The following DIP2B variants were observed in gnomAD, a reference collection of about 807,000 sequenced individuals.
DIP2B encodes the protein DIP2 acetate--CoA ligase B (putative).
Under a neutral mutation model 198.0 loss-of-function variants are expected in DIP2B, and 76 were observed. The observed-to-expected ratio is 0.38, with a 90% CI of 0.32 to 0.46. DIP2B has a LOEUF of 0.46. Ranked by LOEUF, DIP2B falls within the 20% of genes least tolerant of loss-of-function variation. The pLI is 0.99. For synonymous variants in DIP2B, 701 were observed against 739.1 expected, an observed-to-expected ratio of 0.95 and a Z score of 0.84; for missense variants, 1,559 against 1,978.4, an observed-to-expected ratio of 0.79 and a Z score of 4.02.
chr12:50,706,935 G>A (rs1409939775), intron 21 of DIP2B, among the ~76,000 whole-genome samples: 1 of 151,974 alleles, frequency 6.6e-6, no homozygotes, highest in Non-Finnish European at 1.5e-5. Context: ...CAGATTTGTT[G>A]AATCCTGAGG....
At chr12:50,640,511 T>G (rs1286724088) in intron 2 of DIP2B, among the ~76,000 whole-genome samples, 1 of 152,348 alleles carries the variant, frequency 6.6e-6, no homozygotes, top group East Asian at 1.9e-4. Context: ...ATTCCTCTCC[T>G]ATCAACCTGT....
At chr12:50,606,452 C>T (rs762148591) in intron 1 of DIP2B, among the ~76,000 whole-genome samples, 25 of 152,246 alleles carry the variant, frequency 1.6e-4, no homozygotes, top group Middle Eastern at 3.4e-3. Flanking sequence ...GATAATATTG[C>T]GAGGATATAC....
chr12:50,720,476 A>G (rs1440720169), intron 25 of DIP2B, among the ~76,000 whole-genome samples: 1 of 151,702 alleles, frequency 6.6e-6, no homozygotes, highest in Non-Finnish European at 1.5e-5. Flanking sequence ...AATGAGAGGA[A>G]TATGTTGTGC....
chr12:50,541,493 A>G (rs1233325114), intron 1 of DIP2B, among the ~76,000 whole-genome samples: 1 of 151,888 alleles, frequency 6.6e-6, no homozygotes, highest in Non-Finnish European at 1.5e-5. Context: ...AGAGATAGAA[A>G]ATGTTTAATC....
chr12:50,567,228 C>A (rs914557703), intron 1 of DIP2B, among the ~76,000 whole-genome samples: 1 of 152,154 alleles, frequency 6.6e-6, no homozygotes, highest in Non-Finnish European at 1.5e-5. Context: ...ACCCTTTTCC[C>A]AGCCTCTCCC....
intron 1 of DIP2B, among the ~76,000 whole-genome samples, chr12:50,583,301 G>A (rs1265933002): frequency 2.0e-5 from 3 of 148,020 alleles, no homozygotes; most frequent in Non-Finnish European, 3.0e-5. Flanking sequence ...ACATCTACAC[G>A]TTTTTTTTTT....
At chr12:50,651,664 CTA>C (rs113277738) in intron 3 of DIP2B, among the ~76,000 whole-genome samples, 41,147 of 151,992 alleles carry the variant, frequency 0.27, 6,319 homozygotes, top group Non-Finnish European at 0.35. Context: ...TCCGGGCTCT[CTA>C]TTGTTCCGTT....
intron 1 of DIP2B, among the ~76,000 whole-genome samples, chr12:50,609,195 G>A (rs953335738): frequency 2.6e-5 from 4 of 152,142 alleles, no homozygotes; most frequent in Admixed American, 2.6e-4. Flanking sequence ...TAAGGGATTT[G>A]TATCTTCTAC....
At position 50,648,664 on chromosome 12, in the gene DIP2B, CCTTT is replaced by C. The variant is rs1253536796; in HGVS notation, c.301+7813_301+7816del. Among the ~76,000 whole-genome samples, 63 of 140,456 alleles carry C rather than the reference CCTTT, an allele frequency of 4.5e-4. 2 individuals carry two copies. Among genetic ancestry groups the C allele is most frequent in the Non-Finnish European group, 6.0e-4 (39 of 65,470 alleles). 92.1% of individuals were successfully genotyped at this position (140,456 alleles called of 152,430 possible). A position where few individuals can be genotyped will look rare whatever the true frequency, so the allele number is the denominator to read the frequency against. On this transcript the variant is annotated intron_variant, in intron 3 of 37. Transcript: ENST00000301180. ...AGGCGTGAGCCACCACGCCCAGCCCCCTTTTTTTTTTTTTTTTGAGTTGGGTTGT... is the reference window on the plus strand; with the variant it reads ...AGGCGTGAGCCACCACGCCCAGCCCCTTTTTTTTTTTTTGAGTTGGGTTGT...
At chr12:50,605,622 C>T (rs1484004423) in intron 1 of DIP2B, among the ~76,000 whole-genome samples, 3 of 152,102 alleles carry the variant, frequency 2.0e-5, no homozygotes, top group East Asian at 1.9e-4. Flanking sequence ...CTACTCATCC[C>T]CTGGCAAACC....
chr12:50,626,802 A>T (rs1937945272), intron 2 of DIP2B, among the ~76,000 whole-genome samples: 1 of 150,538 alleles, frequency 6.6e-6, no homozygotes, highest in Admixed American at 6.6e-5. Flanking sequence ...ACTGAATTAT[A>T]AATACCATGA....
chr12:50,638,287 C>T (rs754535238), intron 2 of DIP2B, among the ~76,000 whole-genome samples: 1 of 152,092 alleles, frequency 6.6e-6, no homozygotes, highest in Non-Finnish European at 1.5e-5. Flanking sequence ...TGGTTTTATG[C>T]GTAATTCATC....
intron 1 of DIP2B, among the ~76,000 whole-genome samples, chr12:50,605,705 T>G (rs1958975144): frequency 6.6e-6 from 1 of 152,242 alleles, no homozygotes. Flanking sequence ...GAAAGTATGG[T>G]GTTTTATGAA....
chr12:50,671,057 A>C (rs540191136), intron 4 of DIP2B, 129 bp from the exon 5 acceptor site: 1 of 850,110 alleles, frequency 1.2e-6, no homozygotes, highest in African/African-American at 1.7e-5. Context: ...GAAACTTTAC[A>C]TATTAATCTA....
intron 1 of DIP2B, among the ~76,000 whole-genome samples, chr12:50,563,486 CTTTT>C (rs71083598): frequency 1.7e-5 from 2 of 115,540 alleles, no homozygotes; most frequent in African/African-American, 3.4e-5. Context: ...TGCACCTGGC[CTTTT>C]TTTTTTTTTT....
intron 1 of DIP2B, among the ~76,000 whole-genome samples, chr12:50,602,857 CAAAAAAAAAA>C (rs71086464): frequency 0.45 from 41,409 of 91,572 alleles, 6,877 homozygotes; most frequent in Middle Eastern, 0.54. Context: ...GACTCTGTCT[CAAAAAAAAAA>C]AAAAAAAAAA....
At chr12:50,734,095 A>G (rs375357542) in intron 32 of DIP2B, 40 bp from the exon 33 acceptor site, 19 of 1,607,820 alleles carry the variant, frequency 1.2e-5, no homozygotes, top group Non-Finnish European at 1.6e-5. Context: ...AATACAGTTT[A>G]TCGAAATTCT....
intron 1 of DIP2B, among the ~76,000 whole-genome samples, chr12:50,579,018 G>T (rs577966199): frequency 6.6e-6 from 1 of 152,072 alleles, no homozygotes; most frequent in African/African-American, 2.4e-5. Flanking sequence ...ATGCACTCAC[G>T]GTAAAAGATA....
rs369850592 is a variant in DIP2B at position 50,532,531 on chromosome 12, TA to T, written c.100+27296del. On this transcript the variant is annotated intron_variant, in intron 1 of 37. Coordinates refer to ENST00000301180, the MANE Select transcript of DIP2B (RefSeq NM_173602.3). ...TCTGTCTCAAAAAACAAAAAACAAA[TA>T]AAAATAAGAGTGTAATATATGTATC... 2.2e-4 allele frequency among the ~76,000 whole-genome samples: 33 copies of T among 151,616 alleles called. No homozygotes were observed. In the East Asian group the frequency reaches 2.7e-3, roughly 12 times the overall value.
Sources: allele counts gnomAD v4.1 joint callset (sites outside exome capture counted in the v4.1 genomes callset), GRCh38; gene constraint gnomAD v4.1.1; transcripts MANE v1.5; gene names NCBI Gene and HGNC (gene_info 2026-07-23, HGNC 2026-07-21).